Variants in SBF2 observed in about 807,000 individuals in gnomAD.
SBF2 encodes myotubularin-related protein 13.
In SBF2, 112 loss-of-function variants were observed where a neutral mutation model predicts 225.2. The ratio of observed to expected loss-of-function variants is 0.50; its 90% CI spans 0.43 to 0.58. The LOEUF (loss-of-function observed/expected upper bound fraction) is 0.58, where lower values mean the gene tolerates loss of function less well. Ranked by LOEUF, SBF2 falls within the 20% of genes least tolerant of loss-of-function variation. The pLI, the probability that SBF2 is intolerant of heterozygous loss-of-function variation, is 0.00. For missense variants in SBF2, 1,996 were observed against 2,206.2 expected, an observed-to-expected ratio of 0.90 and a Z score of 1.91; for synonymous variants, 763 against 773.3, an observed-to-expected ratio of 0.99 and a Z score of 0.22.
Position 9,784,445 on chromosome 11 carries a change from G to A in SBF2, c.5232-7C>T. 6.2e-7 allele frequency: 1 copy of A among 1,603,342 alleles called. No homozygotes were observed. The highest frequency in any genetic ancestry group is 1.3e-5 in the African/African-American group (1 of 74,860). On this transcript the variant is annotated splice_polypyrimidine_tract_variant and splice_region_variant and intron_variant, in intron 37 of 39. Transcript: ENST00000256190. ...AAGTGTTCCCTCAAAGGACCTAGAA[G>A]AAATGATGACAGGAGAGTTAATTTT...
chr11:9,882,064 A>G (rs1237428731), intron 17 of SBF2, among the ~76,000 whole-genome samples: 1 of 152,238 alleles, frequency 6.6e-6, no homozygotes, highest in Non-Finnish European at 1.5e-5. Flanking sequence ...TTTACACAAC[A>G]TAATGAGTCA....
At chr11:9,829,999 G>T (rs1049238589) in intron 27 of SBF2, among the ~76,000 whole-genome samples, 6 of 152,210 alleles carry the variant, frequency 3.9e-5, no homozygotes, top group Non-Finnish European at 4.4e-5. Context: ...CCCACCAGGG[G>T]ACATGAGCCT....
chr11:10,279,940 C>T (rs1166991654), intron 1 of SBF2, among the ~76,000 whole-genome samples: 3 of 152,246 alleles, frequency 2.0e-5, no homozygotes, highest in Admixed American at 6.5e-5. Context: ...TGAGCCACCA[C>T]GCCTGGCCGA....
At chr11:10,222,146 C>T (rs1174813475) in intron 1 of SBF2, among the ~76,000 whole-genome samples, 1 of 152,204 alleles carries the variant, frequency 6.6e-6, no homozygotes, top group Non-Finnish European at 1.5e-5. Flanking sequence ...ATCATGTTAA[C>T]TGCCTGCTAA....
In SBF2 at chr11:10,000,940, C is replaced by CAGA. The variant is rs1218993289; in HGVS notation, c.832_834dup (p.Ser278dup). On this transcript the variant is annotated inframe_insertion, in exon 8 of 40. Coordinates refer to ENST00000256190, the MANE Select transcript of SBF2 (RefSeq NM_030962.4). Reference sequence around the variant, plus strand: ...AGTTCATGGACATCAGTTTTAAAGACAGAATGTACTCCAATAATGAAAGGC... The same window carrying CAGA: ...AGTTCATGGACATCAGTTTTAAAGACAGAAGAATGTACTCCAATAATGAAAGGC... 6.3e-7 allele frequency: 1 copy of CAGA among 1,598,226 alleles called. No homozygotes were observed. The highest frequency in any genetic ancestry group is 1.7e-5 in the Admixed American group (1 of 59,986).
At chr11:9,916,971 C>T (rs979360330) in intron 16 of SBF2, among the ~76,000 whole-genome samples, 1 of 151,600 alleles carries the variant, frequency 6.6e-6, no homozygotes, top group Non-Finnish European at 1.5e-5. Flanking sequence ...TCTGTAACCC[C>T]CACCCTTATC....
intron 2 of SBF2, among the ~76,000 whole-genome samples, chr11:10,166,213 G>A (rs891489842): frequency 1.3e-5 from 2 of 152,158 alleles, no homozygotes; most frequent in African/African-American, 2.4e-5. Flanking sequence ...CAAGGGTATT[G>A]TATACAAACT....
At chr11:9,864,008 ATAAT>A (rs1308143964) in intron 17 of SBF2, among the ~76,000 whole-genome samples, 2 of 152,252 alleles carry the variant, frequency 1.3e-5, no homozygotes, top group African/African-American at 4.8e-5. Flanking sequence ...TAACAACTAT[ATAAT>A]TAATCAGGAA....
intron 2 of SBF2, among the ~76,000 whole-genome samples, chr11:10,110,998 C>T (rs954846176): frequency 6.6e-6 from 1 of 151,968 alleles, no homozygotes; most frequent in Non-Finnish European, 1.5e-5. Context: ...ACACATACGA[C>T]CACATTAAAC....
chr11:10,156,437 C>G (rs1386730163), intron 2 of SBF2, among the ~76,000 whole-genome samples: 1 of 152,204 alleles, frequency 6.6e-6, no homozygotes, highest in Non-Finnish European at 1.5e-5. Context: ...AGGGGCCGGT[C>G]CTCGGTGAAA....
intron 16 of SBF2, chr11:9,959,648 C>G (rs1290986781): frequency 4.0e-6 from 3 of 749,276 alleles, no homozygotes; most frequent in Non-Finnish European, 7.5e-6. Flanking sequence ...CTTCCACACG[C>G]TTGGGTTCAC....
intron 13 of SBF2, among the ~76,000 whole-genome samples, chr11:9,981,532 C>A (rs1946958834): frequency 1.3e-5 from 2 of 152,080 alleles, no homozygotes; most frequent in Admixed American, 1.3e-4. Context: ...TTTATTTTTT[C>A]AAGAGATATA....
intron 2 of SBF2, among the ~76,000 whole-genome samples, chr11:10,093,933 G>C (rs1275678733): frequency 6.6e-6 from 1 of 152,142 alleles, no homozygotes; most frequent in African/African-American, 2.4e-5. Flanking sequence ...TAATGGTAAG[G>C]TGGCATAAAC....
chr11:10,199,851 G>A (rs1957511976), intron 1 of SBF2, among the ~76,000 whole-genome samples: 1 of 152,160 alleles, frequency 6.6e-6, no homozygotes, highest in South Asian at 2.1e-4. Context: ...ATGTCAAATG[G>A]TGTACCTACT....
intron 16 of SBF2, among the ~76,000 whole-genome samples, chr11:9,915,104 CAGA>C (rs1272620211): frequency 3.7e-4 from 56 of 152,072 alleles, no homozygotes; most frequent in African/African-American, 1.3e-3. Context: ...GCCAGAGAGA[CAGA>C]AGGATATGCT....
intron 2 of SBF2, among the ~76,000 whole-genome samples, chr11:10,076,210 C>G (rs1198038530): frequency 6.6e-6 from 1 of 152,162 alleles, no homozygotes; most frequent in African/African-American, 2.4e-5. Flanking sequence ...CTCCGTGACC[C>G]TACTGAGAGC....
chr11:10,015,358 A>C (rs1270664679), intron 6 of SBF2, among the ~76,000 whole-genome samples: 2 of 152,216 alleles, frequency 1.3e-5, no homozygotes, highest in East Asian at 3.8e-4. Context: ...GCTATAACAA[A>C]GTACCACAAA....
chr11:10,101,405 CCA>C (rs1050344360), intron 2 of SBF2, among the ~76,000 whole-genome samples: 2 of 152,116 alleles, frequency 1.3e-5, no homozygotes, highest in African/African-American at 4.8e-5. Context: ...ACTCAGTTCC[CCA>C]CACAGTCTGT....
At chr11:9,851,867 C>T (rs1420898596) in intron 21 of SBF2, among the ~76,000 whole-genome samples, 1 of 152,288 alleles carries the variant, frequency 6.6e-6, no homozygotes, top group Non-Finnish European at 1.5e-5. Flanking sequence ...ACCTCTTGGC[C>T]TCAAGTGATC....
Sources: allele counts gnomAD v4.1 joint callset (sites outside exome capture counted in the v4.1 genomes callset), GRCh38; gene constraint gnomAD v4.1.1; transcripts MANE v1.5; gene names NCBI Gene and HGNC (gene_info 2026-07-23, HGNC 2026-07-21).